Variants in SFTPA1 observed in about 807,000 individuals in gnomAD.
SFTPA1 encodes the protein surfactant protein A1, also known as pulmonary surfactant-associated protein A1.
Under a neutral mutation model 19.1 loss-of-function variants are expected in SFTPA1, and 13 were observed. The observed-to-expected ratio is 0.68, with a 90% CI of 0.44 to 1.08. The LOEUF (loss-of-function observed/expected upper bound fraction) is 1.08. Ranked by LOEUF, SFTPA1 falls within the 50% of genes least tolerant of loss-of-function variation. The pLI is 0.00. For missense variants in SFTPA1, 259 were observed against 316.4 expected (o/e 0.82, Z 1.38); for synonymous variants, 101 against 117.0 (o/e 0.86, Z 0.88).
chr10:79,615,183 C>A lies in SFTPA1; in HGVS notation c.*1070C>A. 1.1e-6 allele frequency: 1 copy of A among 925,732 alleles called. No individual in the cohort carries two copies. The highest frequency in any genetic ancestry group is 1.5e-6 in the Non-Finnish European group (1 of 666,502). The allele number at this position is 925,732 out of a possible 1,614,324, so 57.3% of individuals were successfully genotyped here. A position where few individuals can be genotyped will look rare whatever the true frequency, so the allele number is the denominator to read the frequency against. ...CTGAGCACCTATCATTTGCCAAGAA[C>A]CTTGACAAGCACTTCTAATACAGCA... On this transcript the variant is annotated 3_prime_UTR_variant, in exon 6 of 6. Transcript: ENST00000398636.
chr10:79,613,025 G>A (rs1402836917), intron 4 of SFTPA1, among the ~76,000 whole-genome samples, 164 bp from the exon 5 acceptor site: 2 of 151,922 alleles, frequency 1.3e-5, no homozygotes, highest in Non-Finnish European at 2.9e-5. Context: ...GGGGTGTGGA[G>A]ACACACTGGA....
Position 79,611,922 on chromosome 10 carries a change from C to G in SFTPA1, c.97C>G (p.Pro33Ala). ...KDVCVGSPGI[P>A]GTPGSHGLPG... ...CGTTTGTGTTGGAAGCCCTGGTATC[C>G]CCGGCACTCCTGGATCCCACGGCCT... Residue 33 changes from proline to alanine, a missense_variant, in exon 3 of 6, where the codon CCC becomes GCC. Transcript: ENST00000398636. 6.2e-7 allele frequency: 1 copy of G among 1,613,918 alleles called. No homozygotes were observed. The highest frequency in any genetic ancestry group is 8.5e-7 in the Non-Finnish European group (1 of 1,179,840).
Position 79,614,230 on chromosome 10 carries a change from A to G in SFTPA1, c.*117A>G, listed in dbSNP as rs1860037706. ...CTTTCAACAGAATTCACTTGTGGCT[A>G]TTGGGACTGGAGGCACCCTTAGCCA... On this transcript the variant is annotated 3_prime_UTR_variant, in exon 6 of 6. Transcript: ENST00000398636. 6.4e-7 allele frequency: 1 copy of G among 1,561,796 alleles called. No homozygotes were observed.
Position 79,612,500 on chromosome 10 carries a change from A to T in SFTPA1, c.292+69A>T, listed in dbSNP as rs369884872. ...CGACCCTGAAGTCAGTTACACGGGG[A>T]TGATGGGGATCAGACAAACCCTACA... On this transcript the variant is annotated intron_variant, in intron 4 of 5. Transcript: ENST00000398636. 2.5e-5 allele frequency: 40 copies of T among 1,588,162 alleles called. No homozygotes were observed. The Admixed American group carries it at 3.5e-4, about 14-fold the overall frequency.
chr10:79,614,984 G>C lies in SFTPA1; in HGVS notation c.*871G>C. ...AAAATTATCACGTGCCAGGTCTTAG[G>C]ATATGTCGTGGGGTGGGCAAGGTAA... is the stretch of plus-strand genomic sequence containing the variant. On this transcript the variant is annotated 3_prime_UTR_variant, in exon 6 of 6. Transcript: ENST00000398636. 10 of 1,304,488 alleles carry C rather than the reference G, an allele frequency of 7.7e-6. No homozygotes were observed. The South Asian group carries it at 1.2e-4, about 16-fold the overall frequency. 80.8% of individuals were successfully genotyped at this position (1,304,488 alleles called of 1,614,324 possible). A position where few individuals can be genotyped will look rare whatever the true frequency, so the allele number is the denominator to read the frequency against.
chr10:79,611,796 C>T lies in SFTPA1; in HGVS notation c.-23-7C>T, dbSNP rs1370680245. The stretch of plus-strand genomic sequence containing the variant: ...GGCAGATGGGCTCACGGCCATCCCT[C>T]CTGCAGGAGCAGCGACTGGACCCAG... On this transcript the variant is annotated splice_region_variant and splice_polypyrimidine_tract_variant and intron_variant, in intron 2 of 5. Coordinates refer to ENST00000398636, the MANE Select transcript of SFTPA1 (RefSeq NM_005411.5). 10 of 1,613,902 alleles carry T rather than the reference C, an allele frequency of 6.2e-6. No individual in the cohort carries two copies. The highest frequency in any genetic ancestry group is 8.5e-6 in the Non-Finnish European group (10 of 1,179,880).
chr10:79,612,389 G>A lies in SFTPA1; in HGVS notation c.250G>A (p.Glu84Lys), dbSNP rs186353284. 2.3e-5 allele frequency: 37 copies of A among 1,613,916 alleles called. No individual in the cohort carries two copies. Among genetic ancestry groups the A allele is most frequent in the Non-Finnish European group, 3.1e-5 (36 of 1,179,892 alleles). The stretch of plus-strand genomic sequence containing the variant: ...GCCTGGAGCCCCTGGTATCCCTGGA[G>A]AGTGTGGAGAGAAGGGGGAGCCTGG... ...GLPGAPGIPGECGEKGEPGER... is the reference protein window; with the variant it reads ...GLPGAPGIPGKCGEKGEPGER... The change falls in exon 4 of 6, where the codon GAG (glutamate) becomes AAG (lysine). Residue 84 changes from glutamate (E) to lysine (K), a missense_variant. By Grantham distance (56) the Glu-to-Lys change is moderately conservative. Coordinates refer to ENST00000398636, the MANE Select transcript of SFTPA1 (RefSeq NM_005411.5).
At chr10:79,612,979 G>A (rs560070547) in intron 4 of SFTPA1, among the ~76,000 whole-genome samples, 152 of 152,120 alleles carry the variant, frequency 1.0e-3, no homozygotes, top group African/African-American at 3.4e-3. Flanking sequence ...GGGGGTCTCA[G>A]CAGGGGCAAG....
Position 79,612,426 on chromosome 10 carries a change from C to T in SFTPA1, c.287C>T (p.Pro96Leu), listed in dbSNP as rs780152354. 1.2e-6 allele frequency: 2 copies of T among 1,613,598 alleles called. No homozygotes were observed. The highest frequency in any genetic ancestry group is 8.5e-7 in the Non-Finnish European group (1 of 1,179,720). Residue 96 changes from proline to leucine, a missense_variant, in exon 4 of 6, where the codon CCT becomes CTT. Pro to Leu is a moderately conservative substitution (Grantham distance 98). Transcript: ENST00000398636. The part of the protein sequence containing the change: ...GEKGEPGERG[P>L]PGLPAHLDEE... ...AAGGGGGAGCCTGGCGAGAGGGGCC[C>T]TCCAGGTGAGCAGGGTGGGGCAGGT...
At chr10:79,611,702 C>T in intron 2 of SFTPA1, 101 bp from the exon 3 acceptor site, 11 of 1,604,792 alleles carry the variant, frequency 6.9e-6, no homozygotes, top group Non-Finnish European at 9.4e-6. Context: ...CTCGCCCGCC[C>T]TGCCTCTCGG....
In SFTPA1 at chr10:79,614,074, G is replaced by A. The variant is rs769709869; in HGVS notation, c.708G>A (p.Arg236=). ...EMYTDGQWND[R]NCLYSRLTIC... Reference sequence around the variant, plus strand: ...ACACAGATGGGCAGTGGAATGACAGGAACTGCCTGTACTCCCGACTGACCA... The same window carrying A: ...ACACAGATGGGCAGTGGAATGACAGAAACTGCCTGTACTCCCGACTGACCA... Residue 236 remains arginine, a synonymous_variant, in exon 6 of 6, where the codon AGG becomes AGA. Coordinates refer to ENST00000398636, the MANE Select transcript of SFTPA1 (RefSeq NM_005411.5). 6.2e-7 allele frequency: 1 copy of A among 1,614,204 alleles called. No individual in the cohort carries two copies. Among genetic ancestry groups the A allele is most frequent in the Non-Finnish European group, 8.5e-7 (1 of 1,180,026 alleles).
intron 1 of SFTPA1, 21 bp downstream of exon 1, chr10:79,611,003 T>C (rs939598359): frequency 1.3e-5 from 2 of 153,602 alleles, no homozygotes; most frequent in African/African-American, 4.8e-5. Context: ...CCCCATCCCC[T>C]AGGTGTTCTC....
In SFTPA1 at chr10:79,614,740, C is replaced by T. The variant is rs1434793123; in HGVS notation, c.*627C>T. 2 of 337,340 alleles carry T rather than the reference C, an allele frequency of 5.9e-6. No individual in the cohort carries two copies. Among genetic ancestry groups the T allele is most frequent in the Non-Finnish European group, 1.2e-5 (2 of 165,208 alleles). 20.9% of individuals were successfully genotyped at this position (337,340 alleles called of 1,614,324 possible). On this transcript the variant is annotated 3_prime_UTR_variant, in exon 6 of 6. Coordinates refer to ENST00000398636, the MANE Select transcript of SFTPA1 (RefSeq NM_005411.5). Reference sequence around the variant, plus strand: ...CCATGATTGATGTGTACGATTCACTCCTTTGAGTCTTTGAATGGCAACTCA... The same window carrying T: ...CCATGATTGATGTGTACGATTCACTTCTTTGAGTCTTTGAATGGCAACTCA...
chr10:79,613,100 C>T (rs1377766523), intron 4 of SFTPA1, 89 bp from the exon 5 acceptor site: 19 of 1,610,448 alleles, frequency 1.2e-5, no homozygotes, highest in Admixed American at 3.3e-5. Flanking sequence ...GGCAGAGTTC[C>T]AGGATTGCAG....
Position 79,614,327 on chromosome 10 carries a change from C to A in SFTPA1, c.*214C>A, listed in dbSNP as rs1650220. On this transcript the variant is annotated 3_prime_UTR_variant, in exon 6 of 6. Transcript: ENST00000398636. ...AGCCTTGACACTCCCCTTGCAAACT[C>A]TCCCAGCACTGCACCCCAGGCAGCC... 129,974 of 736,156 alleles carry A rather than the reference C, an allele frequency of 0.18. 16,092 individuals carry two copies. The highest frequency in any genetic ancestry group is 0.47 in the East Asian group (17,177 of 36,280). 45.6% of individuals were successfully genotyped at this position (736,156 alleles called of 1,614,324 possible).
At chr10:79,611,708 C>G in intron 2 of SFTPA1, 95 bp from the exon 3 acceptor site, 1 of 1,606,560 alleles carries the variant, frequency 6.2e-7, no homozygotes, top group East Asian at 2.2e-5. Context: ...CGCCCTGCCT[C>G]TCGGGCTCTG....
chr10:79,611,489 G>A, intron 2 of SFTPA1, 100 bp downstream of exon 2: 6 of 1,260,484 alleles, frequency 4.8e-6, no homozygotes, highest in Non-Finnish European at 6.5e-6. Context: ...GTTTCCCAGG[G>A]TAACATAGTG....
rs1215316727 is a variant in SFTPA1, at chr10:79,613,898, G to A, written c.532G>A (p.Val178Met). ...GGAAAATGAGGCCATTGCAAGCTTC[G>A]TGAAGAAGTACAACACATATGCCTA... ...PEENEAIASF[V>M]KKYNTYAYVG... Residue 178 changes from valine to methionine, a missense_variant, in exon 6 of 6, where the codon GTG becomes ATG. By Grantham distance (21) the Val-to-Met change is conservative. Coordinates refer to ENST00000398636, the MANE Select transcript of SFTPA1 (RefSeq NM_005411.5). 1.1e-5 allele frequency: 18 copies of A among 1,613,990 alleles called. No individual in the cohort carries two copies. Among genetic ancestry groups the A allele is most frequent in the Admixed American group, 1.7e-5 (1 of 60,026 alleles).
rs1450165161 is a variant in SFTPA1 at position 79,614,410 on chromosome 10, A to G, written c.*297A>G. 1.2e-5 allele frequency: 6 copies of G among 493,362 alleles called. No homozygotes were observed. Among genetic ancestry groups the G allele is most frequent in the Non-Finnish European group, 2.2e-5 (6 of 272,038 alleles). 30.6% of individuals were successfully genotyped at this position (493,362 alleles called of 1,614,324 possible). A position where few individuals can be genotyped will look rare whatever the true frequency, so the allele number is the denominator to read the frequency against. ...GCCCTCCTTATTCCCCATCTGGTCCAGTTCCTTCACTTACAGATGGCAGCA... is the reference window on the plus strand; with the variant it reads ...GCCCTCCTTATTCCCCATCTGGTCCGGTTCCTTCACTTACAGATGGCAGCA... On this transcript the variant is annotated 3_prime_UTR_variant, in exon 6 of 6. Coordinates refer to ENST00000398636, the MANE Select transcript of SFTPA1 (RefSeq NM_005411.5).
Sources: gnomAD v4.1 joint callset for allele counts (sites outside exome capture counted in the v4.1 genomes callset) on GRCh38, gnomAD v4.1.1 for gene constraint, MANE v1.5 for transcripts, NCBI Gene and HGNC (gene_info 2026-07-23, HGNC 2026-07-21) for gene names.